Variants in RBPJ observed in about 807,000 individuals in gnomAD.
The protein encoded by RBPJ is recombination signal binding protein for immunoglobulin kappa J region, also known as recombining binding protein suppressor of hairless.
A neutral mutation model predicts 67.8 loss-of-function variants in RBPJ; 9 were observed. The observed-to-expected ratio is 0.13, with a 90% CI of 0.08 to 0.23. The LOEUF is 0.23. Ranked by LOEUF, RBPJ falls within the 10% of genes least tolerant of loss-of-function variation. The pLI, the probability that RBPJ is intolerant of heterozygous loss-of-function variation, is 1.00. For missense variants in RBPJ, 305 were observed against 595.6 expected (o/e 0.51, Z 5.08); for synonymous variants, 198 against 203.3 (o/e 0.97, Z 0.22).
chr4:26,178,969 C>T (rs1270264026), intron 1 of RBPJ, among the ~76,000 whole-genome samples: 1 of 152,120 alleles, frequency 6.6e-6, no homozygotes, highest in Non-Finnish European at 1.5e-5. Context: ...TGTGGTTGGG[C>T]CTCACGTGCG....
the RBPJ span, among the ~76,000 whole-genome samples, chr4:26,156,991 C>T: frequency 6.6e-6 from 1 of 151,512 alleles, no homozygotes; most frequent in African/African-American, 2.4e-5. Flanking sequence ...GAAAGGATCA[C>T]CTGAGCCCAG....
intron 1 of RBPJ, among the ~76,000 whole-genome samples, chr4:26,248,205 C>G (rs6448441): frequency 6.6e-6 from 1 of 152,104 alleles, no homozygotes; most frequent in South Asian, 2.1e-4. Context: ...GCAGGAGAAT[C>G]GCTTGAACCT....
intron 3 of RBPJ, among the ~76,000 whole-genome samples, chr4:26,410,943 A>G (rs1733949973): frequency 6.6e-6 from 1 of 152,248 alleles, no homozygotes; most frequent in African/African-American, 2.4e-5. Context: ...CTGCTAGGGA[A>G]GATGAGAAAA....
chr4:26,394,038 T>G (rs1026635593), intron 2 of RBPJ, among the ~76,000 whole-genome samples: 2 of 151,792 alleles, frequency 1.3e-5, no homozygotes, highest in African/African-American at 4.8e-5. Flanking sequence ...TTTTTTTTTT[T>G]TTTTTGAGAA....
At chr4:26,351,067 G>A (rs1560285975) in intron 1 of RBPJ, among the ~76,000 whole-genome samples, 4 of 151,540 alleles carry the variant, frequency 2.6e-5, no homozygotes, top group Non-Finnish European at 1.5e-5. Context: ...TATTATATAC[G>A]TTATATATTA....
At chr4:26,330,046 T>C (rs550543708) in intron 1 of RBPJ, among the ~76,000 whole-genome samples, 2 of 152,164 alleles carry the variant, frequency 1.3e-5, no homozygotes, top group Non-Finnish European at 2.9e-5. Flanking sequence ...GGAAAAAACC[T>C]GAAATTAAAA....
intron 1 of RBPJ, among the ~76,000 whole-genome samples, chr4:26,255,132 T>C (rs148755516): frequency 0.3 from 43,530 of 144,210 alleles, 6,839 homozygotes; most frequent in African/African-American, 0.41. Flanking sequence ...AGGCCGGGCG[T>C]GGTGGCTCAC....
intron 1 of RBPJ, among the ~76,000 whole-genome samples, chr4:26,344,245 A>AT (rs1047157031): frequency 1.3e-5 from 2 of 151,484 alleles, no homozygotes; most frequent in African/African-American, 4.8e-5. Flanking sequence ...TTTATTTTTT[A>AT]TTTTTTTGAG....
the RBPJ span, among the ~76,000 whole-genome samples, chr4:26,154,978 C>A: frequency 6.6e-6 from 1 of 152,214 alleles, no homozygotes; most frequent in East Asian, 1.9e-4. Context: ...GGAGGGGACA[C>A]ACTTCCCAAC....
the RBPJ span, chr4:26,113,341 G>A: frequency 1.9e-6 from 1 of 539,212 alleles, no homozygotes; most frequent in South Asian, 1.8e-5. Context: ...GTGAATGTGG[G>A]AAAACCTTGT....
Position 26,434,610 on chromosome 4 carries a change from A to G in RBPJ, c.*3603A>G, listed in dbSNP as rs1329019716. The stretch of plus-strand genomic sequence containing the variant: ...GGACTGAACTGTATCTCCTTTTGTT[A>G]ATTTTCCCCTGTGTTGTGATAAATG... On this transcript the variant is annotated 3_prime_UTR_variant, in exon 11 of 11. Coordinates refer to ENST00000355476, the MANE Select transcript of RBPJ (RefSeq NM_015874.6). 6.6e-6 allele frequency: 1 copy of G among 152,148 alleles called. No homozygotes were observed. The highest frequency in any genetic ancestry group is 1.5e-5 in the Non-Finnish European group (1 of 68,020). The allele number at this position is 152,148 out of a possible 1,614,324, so 9.4% of individuals were successfully genotyped here. A position where few individuals can be genotyped will look rare whatever the true frequency, so the allele number is the denominator to read the frequency against.
intron 2 of RBPJ, among the ~76,000 whole-genome samples, chr4:26,396,666 G>A (rs1440502898): frequency 6.6e-6 from 1 of 152,364 alleles, no homozygotes; most frequent in Non-Finnish European, 1.5e-5. Context: ...AGTGGGAGGC[G>A]GGGAGGGGAA....
intron 1 of RBPJ, among the ~76,000 whole-genome samples, chr4:26,345,962 G>A (rs1726091349): frequency 6.6e-6 from 1 of 152,036 alleles, no homozygotes; most frequent in East Asian, 1.9e-4. Context: ...GATTTCACTT[G>A]TTACTAATCT....
chr4:26,171,848 T>C (rs1716598423), intron 1 of RBPJ, among the ~76,000 whole-genome samples: 1 of 152,190 alleles, frequency 6.6e-6, no homozygotes, highest in Admixed American at 6.5e-5. Flanking sequence ...AAAAGGGGGC[T>C]GAGGAGTGGA....
At chr4:26,268,032 T>C (rs150035784) in intron 1 of RBPJ, among the ~76,000 whole-genome samples, 108 of 152,300 alleles carry the variant, frequency 7.1e-4, no homozygotes, top group African/African-American at 2.5e-3. Flanking sequence ...TTTTTTAAGG[T>C]ATAAGCTTTT....
intron 1 of RBPJ, among the ~76,000 whole-genome samples, chr4:26,267,564 A>G (rs745346930): frequency 4.6e-4 from 70 of 152,056 alleles, no homozygotes; most frequent in Non-Finnish European, 4.4e-4. Context: ...GTGTGTATAT[A>G]TGTGTATAAA....
chr4:26,316,675 T>TATTGATATATATATATATACAC (rs1560258783), upstream of RBPJ, among the ~76,000 whole-genome samples: 5 of 99,900 alleles, frequency 5.0e-5, no homozygotes, highest in East Asian at 1.2e-3. Context: ...TATATACACA[T>TATTGATATATATATATATACAC]ATATATATAT....
intron 1 of RBPJ, among the ~76,000 whole-genome samples, chr4:26,334,300 C>T (rs1196379003): frequency 6.6e-6 from 1 of 152,038 alleles, no homozygotes; most frequent in Non-Finnish European, 1.5e-5. Flanking sequence ...CCTTGGCCTT[C>T]CAAGGTGCTG....
chr4:26,348,765 GT>G (rs965107718), intron 1 of RBPJ, among the ~76,000 whole-genome samples: 18 of 151,842 alleles, frequency 1.2e-4, no homozygotes, highest in African/African-American at 4.4e-4. Context: ...GCGCAGTGGC[GT>G]GATCATAGCT....
Sources: allele counts gnomAD v4.1 joint callset (sites outside exome capture counted in the v4.1 genomes callset), GRCh38; gene constraint gnomAD v4.1.1; transcripts MANE v1.5; gene names NCBI Gene and HGNC (gene_info 2026-07-23, HGNC 2026-07-21).